EXO1: variants seen among roughly 807,000 people sequenced by gnomAD.
The protein encoded by EXO1 is exonuclease 1.
A neutral mutation model predicts 84.5 loss-of-function variants in EXO1; 69 were observed. That is an observed-to-expected ratio of 0.82 (90% CI 0.67 to 1.00). The LOEUF is 1.00. Among genes scored for constraint, EXO1 ranks in the 50% least tolerant of loss-of-function variants. The pLI, the probability that EXO1 is intolerant of heterozygous loss-of-function variation, is 0.00. For missense variants in EXO1, 1,045 were observed against 1,000.7 expected, an observed-to-expected ratio of 1.04 and a Z score of -0.60; for synonymous variants, 373 against 366.1, an observed-to-expected ratio of 1.02 and a Z score of -0.21.
At chr1:241,863,536 A>G (rs1238055638) in intron 10 of EXO1, among the ~76,000 whole-genome samples, 1 of 151,816 alleles carries the variant, frequency 6.6e-6, no homozygotes, top group Non-Finnish European at 1.5e-5. Context: ...AGATCTTGAG[A>G]AAAAAAGAAG....
At chr1:241,852,618 T>C (rs1339137849) in intron 5 of EXO1, among the ~76,000 whole-genome samples, 1 of 152,212 alleles carries the variant, frequency 6.6e-6, no homozygotes, top group Non-Finnish European at 1.5e-5. Context: ...GAAGAGCCAC[T>C]GTACTCCAGC....
At chr1:241,852,159 T>C (rs752152575) in intron 4 of EXO1, 133 bp from the exon 5 acceptor site, 2 of 779,118 alleles carry the variant, frequency 2.6e-6, no homozygotes, top group Non-Finnish European at 4.2e-6. Flanking sequence ...TTCCAATTCC[T>C]ATGAAAACAT....
At chr1:241,876,642 C>T (rs1218932369) in intron 12 of EXO1, among the ~76,000 whole-genome samples, 1 of 152,080 alleles carries the variant, frequency 6.6e-6, no homozygotes, top group Non-Finnish European at 1.5e-5. Context: ...AGTTAATTTT[C>T]AAGGTAATTT....
chr1:241,862,245 G>A (rs1475987143), intron 10 of EXO1, among the ~76,000 whole-genome samples: 1 of 152,182 alleles, frequency 6.6e-6, no homozygotes, highest in Non-Finnish European at 1.5e-5. Flanking sequence ...GCCGCGATTT[G>A]CTGTTTTCTT....
At chr1:241,871,284 G>A (rs1268366914) in intron 11 of EXO1, among the ~76,000 whole-genome samples, 1 of 152,130 alleles carries the variant, frequency 6.6e-6, no homozygotes. Context: ...CTCGTTTCTG[G>A]TATTTTGGTA....
At chr1:241,868,760 C>G (rs1374275343) in intron 11 of EXO1, among the ~76,000 whole-genome samples, 1 of 152,194 alleles carries the variant, frequency 6.6e-6, no homozygotes, top group African/African-American at 2.4e-5. Flanking sequence ...TTTTCTGATT[C>G]ATTCATTTAA....
chr1:241,858,496 C>A lies in EXO1; in HGVS notation c.544-10C>A. On this transcript the variant is annotated splice_polypyrimidine_tract_variant and intron_variant, in intron 7 of 15. Transcript: ENST00000366548. Reference sequence around the variant, plus strand: ...CTTCTAGGTATTAACAATTTCCCTTCCTTTTGAAGGTAATTTTAAAGATGG... The same window carrying A: ...CTTCTAGGTATTAACAATTTCCCTTACTTTTGAAGGTAATTTTAAAGATGG... 6.2e-7 allele frequency: 1 copy of A among 1,600,320 alleles called. No homozygotes were observed. Among genetic ancestry groups the A allele is most frequent in the Non-Finnish European group, 8.6e-7 (1 of 1,167,418 alleles).
At chr1:241,856,005 C>T (rs962488671) in intron 6 of EXO1, among the ~76,000 whole-genome samples, 1 of 152,200 alleles carries the variant, frequency 6.6e-6, no homozygotes, top group Admixed American at 6.5e-5. Context: ...CCGGCCTTGG[C>T]CAGCCCAGAA....
At chr1:241,861,162 C>T (rs1376967656) in intron 9 of EXO1, among the ~76,000 whole-genome samples, 1 of 152,212 alleles carries the variant, frequency 6.6e-6, no homozygotes, top group African/African-American at 2.4e-5. Context: ...CCTCTGTTTC[C>T]CTTAAAGGCA....
intron 8 of EXO1, among the ~76,000 whole-genome samples, chr1:241,859,972 G>A (rs1434694898): frequency 6.6e-6 from 1 of 152,136 alleles, no homozygotes; most frequent in African/African-American, 2.4e-5. Context: ...TGTCCCAGGT[G>A]GGAATAGGAC....
intron 4 of EXO1, among the ~76,000 whole-genome samples, chr1:241,851,098 G>A (rs1363101081): frequency 6.6e-6 from 1 of 152,102 alleles, no homozygotes; most frequent in Non-Finnish European, 1.5e-5. Flanking sequence ...CCAAAGTGCT[G>A]AGATTACAGG....
intron 10 of EXO1, among the ~76,000 whole-genome samples, chr1:241,865,369 G>A (rs560166740): frequency 2.0e-5 from 3 of 151,868 alleles, no homozygotes; most frequent in South Asian, 2.1e-4. Context: ...GTGCCACCAC[G>A]CCCGGCTGAT....
At chr1:241,852,081 T>G (rs909299575) in intron 4 of EXO1, among the ~76,000 whole-genome samples, 1 of 152,216 alleles carries the variant, frequency 6.6e-6, no homozygotes, top group East Asian at 1.9e-4. Context: ...GGTCAAGTAG[T>G]TCACCAGACA....
chr1:241,857,273 G>A (rs2148412783), intron 6 of EXO1, 72 bp from the exon 7 acceptor site: 3 of 1,467,172 alleles, frequency 2.0e-6, no homozygotes, highest in Middle Eastern at 1.7e-4. Flanking sequence ...TAATAAAGTG[G>A]GTTTGAAACA....
chr1:241,888,452 C>T (rs1228020731), intron 15 of EXO1, among the ~76,000 whole-genome samples: 1 of 152,098 alleles, frequency 6.6e-6, no homozygotes, highest in Non-Finnish European at 1.5e-5. Flanking sequence ...TCACTCTGTT[C>T]TGCTTTAGCA....
intron 9 of EXO1, 28 bp downstream of exon 9, chr1:241,860,732 ATT>A: frequency 6.4e-7 from 1 of 1,569,394 alleles, no homozygotes; most frequent in Non-Finnish European, 8.8e-7. Flanking sequence ...GAATGGTAGA[ATT>A]TGTGCATTTT....
chr1:241,873,416 CA>C (rs551841937), intron 12 of EXO1, among the ~76,000 whole-genome samples: 9 of 152,300 alleles, frequency 5.9e-5, no homozygotes, highest in African/African-American at 1.9e-4. Context: ...CGTACAGAAT[CA>C]GAATAAAAGA....
chr1:241,884,676 T>TGTGTGC (rs1247623968), intron 14 of EXO1, among the ~76,000 whole-genome samples: 4 of 141,532 alleles, frequency 2.8e-5, no homozygotes, highest in Non-Finnish European at 4.7e-5. Flanking sequence ...TGTGTGTGTG[T>TGTGTGC]GCACGTGCAC....
At chr1:241,888,368 G>A (rs2148553837) in intron 15 of EXO1, among the ~76,000 whole-genome samples, 1 of 152,004 alleles carries the variant, frequency 6.6e-6, no homozygotes, top group Admixed American at 6.6e-5. Flanking sequence ...CAGAGGTGGA[G>A]AATACAAATA....
Sources: gnomAD v4.1 joint callset for allele counts (sites outside exome capture counted in the v4.1 genomes callset) on GRCh38, gnomAD v4.1.1 for gene constraint, MANE v1.5 for transcripts, NCBI Gene and HGNC (gene_info 2026-07-23, HGNC 2026-07-21) for gene names.